Variants in RASEF observed in about 807,000 individuals in gnomAD.
RASEF encodes ras and EF-hand domain-containing protein.
A neutral mutation model predicts 90.1 loss-of-function variants in RASEF; 68 were observed. The ratio of observed to expected loss-of-function variants is 0.75; its 90% CI spans 0.62 to 0.92. The LOEUF is 0.92. RASEF is among the 40% of genes least tolerant of loss of function. RASEF has a pLI of 0.00. For missense variants in RASEF, 949 were observed against 937.2 expected (o/e 1.01, Z -0.16); for synonymous variants, 331 against 345.2 (o/e 0.96, Z 0.46).
At chr9:83,164,163 G>T in the RASEF span, among the ~76,000 whole-genome samples, 1 of 150,636 alleles carries the variant, frequency 6.6e-6, no homozygotes, top group African/African-American at 2.4e-5. Flanking sequence ...ATAGAGAGAA[G>T]GAAAATTGTA....
chr9:83,181,724 T>C, the RASEF span, among the ~76,000 whole-genome samples: 2 of 152,214 alleles, frequency 1.3e-5, no homozygotes, highest in Admixed American at 1.3e-4. Flanking sequence ...CTTACTTTCC[T>C]TTTGTCCTGA....
intron 1 of RASEF, among the ~76,000 whole-genome samples, chr9:83,036,539 T>C (rs1829744325): frequency 6.6e-6 from 1 of 152,218 alleles, no homozygotes; most frequent in Non-Finnish European, 1.5e-5. Flanking sequence ...AGTTATTTTA[T>C]TGGATGGCAA....
chr9:83,142,995 A>G, the RASEF span, among the ~76,000 whole-genome samples: 1 of 152,192 alleles, frequency 6.6e-6, no homozygotes, highest in African/African-American at 2.4e-5. Flanking sequence ...TCTGTTATCT[A>G]GCTGGTCAGT....
chr9:83,172,823 A>ATT, the RASEF span, among the ~76,000 whole-genome samples: 2 of 151,948 alleles, frequency 1.3e-5, no homozygotes. Context: ...AGTTTTATGA[A>ATT]TTTGTCTGCA....
chr9:83,208,691 G>A, the RASEF span, among the ~76,000 whole-genome samples: 1 of 152,112 alleles, frequency 6.6e-6, no homozygotes, highest in Non-Finnish European at 1.5e-5. Context: ...CCGCCCACAA[G>A]ACCGATAGCC....
the RASEF span, among the ~76,000 whole-genome samples, chr9:83,146,906 T>A: frequency 2.0e-5 from 3 of 151,936 alleles, no homozygotes; most frequent in Non-Finnish European, 4.4e-5. Flanking sequence ...TTATAAAAGG[T>A]GATAGTAGAA....
At chr9:83,020,868 A>G (rs1829431820) in intron 3 of RASEF, among the ~76,000 whole-genome samples, 1 of 152,160 alleles carries the variant, frequency 6.6e-6, no homozygotes, top group African/African-American at 2.4e-5. Context: ...ATGGAGAGAA[A>G]AAAAGGCAGA....
the RASEF span, among the ~76,000 whole-genome samples, chr9:83,119,608 C>G: frequency 6.6e-6 from 1 of 152,260 alleles, no homozygotes; most frequent in East Asian, 1.9e-4. Flanking sequence ...GCACCACTCT[C>G]TTTACACAGA....
At chr9:82,987,623 G>A (rs907216189) in intron 16 of RASEF, among the ~76,000 whole-genome samples, 3 of 148,402 alleles carry the variant, frequency 2.0e-5, no homozygotes, top group Non-Finnish European at 4.5e-5. Context: ...ATAATAAAGA[G>A]AATCGACTCT....
upstream of RASEF, among the ~76,000 whole-genome samples, chr9:83,063,705 G>A (rs1442228117): frequency 6.6e-6 from 1 of 152,162 alleles, no homozygotes; most frequent in Admixed American, 6.5e-5. Flanking sequence ...TTGGCAGACA[G>A]CATTGTTTAA....
At chr9:83,138,316 A>T in the RASEF span, among the ~76,000 whole-genome samples, 1 of 152,166 alleles carries the variant, frequency 6.6e-6, no homozygotes, top group African/African-American at 2.4e-5. Context: ...CTTAGCCACA[A>T]CATAACCCAT....
chr9:83,159,016 C>T, the RASEF span, among the ~76,000 whole-genome samples: 1 of 142,126 alleles, frequency 7.0e-6, no homozygotes, highest in Non-Finnish European at 1.5e-5. Context: ...GAAAGCCAGT[C>T]TCTACTAAAA....
the RASEF span, among the ~76,000 whole-genome samples, chr9:83,087,655 A>G: frequency 1.3e-5 from 2 of 150,764 alleles, no homozygotes; most frequent in South Asian, 2.1e-4. Context: ...AGTCTTGTCT[A>G]TTTTTCTCTT....
chr9:83,022,289 C>T (rs747475352), intron 3 of RASEF, 47 bp downstream of exon 3: 1 of 1,433,154 alleles, frequency 7.0e-7, no homozygotes, highest in South Asian at 1.1e-5. Flanking sequence ...TCCGTAGAAA[C>T]CACCTCATAA....
At chr9:83,115,338 C>A in the RASEF span, among the ~76,000 whole-genome samples, 1 of 152,020 alleles carries the variant, frequency 6.6e-6, no homozygotes, top group African/African-American at 2.4e-5. Context: ...AACTTGAACA[C>A]AAAATTTACT....
At chr9:83,097,699 G>A in the RASEF span, among the ~76,000 whole-genome samples, 2 of 152,146 alleles carry the variant, frequency 1.3e-5, no homozygotes, top group African/African-American at 4.8e-5. Context: ...AAACCACAAT[G>A]AGATACCATC....
the RASEF span, among the ~76,000 whole-genome samples, chr9:83,211,683 A>AT: frequency 6.6e-6 from 1 of 152,088 alleles, no homozygotes; most frequent in Non-Finnish European, 1.5e-5. Flanking sequence ...CACTAACCTT[A>AT]TTTTTTATCA....
chr9:83,208,503 T>C, the RASEF span, among the ~76,000 whole-genome samples: 1 of 152,232 alleles, frequency 6.6e-6, no homozygotes, highest in Non-Finnish European at 1.5e-5. Flanking sequence ...TACATAGGTG[T>C]GTCTGAGTTG....
chr9:83,055,733 G>A (rs1830090747), intron 1 of RASEF: 4 of 702,606 alleles, frequency 5.7e-6, no homozygotes, highest in Non-Finnish European at 7.9e-6. Flanking sequence ...TTTGGAATGA[G>A]CTCACATCAA....
Sources: allele counts gnomAD v4.1 joint callset (sites outside exome capture counted in the v4.1 genomes callset), GRCh38; gene constraint gnomAD v4.1.1; transcripts MANE v1.5; gene names NCBI Gene and HGNC (gene_info 2026-07-23, HGNC 2026-07-21).